Variants in GNG12 observed in about 807,000 individuals in gnomAD.
The protein encoded by GNG12 is guanine nucleotide-binding protein G(I)/G(S)/G(O) subunit gamma-12.
For synonymous variants in GNG12, 28 were observed against 29.7 expected (o/e 0.94, Z 0.19); for missense variants, 69 against 83.8 (o/e 0.82, Z 0.69).
rs4431815 is a variant in GNG12, at chr1:67,822,490, T to C, written c.-77+10854A>G. Among the ~76,000 whole-genome samples the C allele has an allele frequency of 3.1e-3, 479 of 152,206 alleles. 1 individual carries two copies. The highest frequency in any genetic ancestry group is 0.011 in the African/African-American group (459 of 41,526). ...TTATGAAGCTGACACTGCAGTGAGG[T>C]AGGTTAATATAACAATTGATTGAGA... On this transcript the variant is annotated intron_variant, in intron 1 of 3. Coordinates refer to ENST00000370982, the MANE Select transcript of GNG12 (RefSeq NM_018841.6).
At chr1:67,718,941 T>A (rs1292298732) in intron 2 of GNG12, among the ~76,000 whole-genome samples, 1 of 152,232 alleles carries the variant, frequency 6.6e-6, no homozygotes, top group Non-Finnish European at 1.5e-5. Context: ...ATTATCCTAC[T>A]GAATCCTCAA....
intron 2 of GNG12, among the ~76,000 whole-genome samples, chr1:67,754,914 C>T (rs980781418): frequency 2.6e-5 from 4 of 152,232 alleles, no homozygotes; most frequent in Non-Finnish European, 5.9e-5. Context: ...TCACTCTTTC[C>T]TCATGTGATG....
intron 1 of GNG12, among the ~76,000 whole-genome samples, chr1:67,801,410 T>C (rs143909774): frequency 1.2e-3 from 183 of 152,282 alleles, no homozygotes; most frequent in East Asian, 8.9e-3. Flanking sequence ...GGCCACAGGA[T>C]TGAACCCAGG....
Position 67,833,380 on chromosome 1 carries a change from G to A in GNG12, c.-113C>T, listed in dbSNP as rs1202148630. On this transcript the variant is annotated 5_prime_UTR_variant, in exon 1 of 4. Coordinates refer to ENST00000370982, the MANE Select transcript of GNG12 (RefSeq NM_018841.6). ...TGCGCTGCCCCGCCGTCGCCGCCGG[G>A]ACTCGGTCTCTAAGGGCTCCTGGAG... 1 of 985,394 alleles carries A rather than the reference G, an allele frequency of 1.0e-6. No individual in the cohort carries two copies. The highest frequency in any genetic ancestry group is 1.2e-6 in the Non-Finnish European group (1 of 830,124). The allele number at this position is 985,394 out of a possible 1,614,324, so 61.0% of individuals were successfully genotyped here.
chr1:67,823,259 G>A (rs930208479), intron 1 of GNG12, among the ~76,000 whole-genome samples: 7 of 152,150 alleles, frequency 4.6e-5, no homozygotes, highest in African/African-American at 1.7e-4. Flanking sequence ...TCTCTCTTTT[G>A]TTTTTGTTTG....
rs143179597 is a variant in GNG12 at position 67,706,155 on chromosome 1, A to G, written c.94-579T>C. On this transcript the variant is annotated intron_variant, in intron 3 of 3. Transcript: ENST00000370982. ...GTGAATCCTGGTAAACGGTTTATAA[A>G]TGTTTGTTGTTACAACTCTTCAGCA... 1.0e-3 allele frequency among the ~76,000 whole-genome samples: 155 copies of G among 152,330 alleles called. 1 individual carries two copies. Among genetic ancestry groups the G allele is most frequent in the Non-Finnish European group, 1.9e-3 (130 of 68,020 alleles).
intron 1 of GNG12, among the ~76,000 whole-genome samples, chr1:67,801,821 G>C (rs899243509): frequency 6.6e-6 from 1 of 152,056 alleles, no homozygotes; most frequent in African/African-American, 2.4e-5. Context: ...TAATTTCATA[G>C]AGTTGCTGTG....
intron 2 of GNG12, among the ~76,000 whole-genome samples, chr1:67,733,233 G>T (rs1209645380): frequency 6.6e-6 from 1 of 152,146 alleles, no homozygotes; most frequent in Non-Finnish European, 1.5e-5. Context: ...TTTGGAGCTG[G>T]TTTGGGGTGT....
Position 67,706,200 on chromosome 1 carries a change from TA to T in GNG12, c.94-625del, listed in dbSNP as rs554280777. ...TCAGCAGGTTTGAAATGTCTCAAAA[TA>T]AAAAGTTAGGGGCCAGGTGAGAAAA... On this transcript the variant is annotated intron_variant, in intron 3 of 3. Coordinates refer to ENST00000370982, the MANE Select transcript of GNG12 (RefSeq NM_018841.6). 8.5e-5 allele frequency among the ~76,000 whole-genome samples: 13 copies of T among 152,170 alleles called. No homozygotes were observed. The South Asian group carries it at 2.3e-3, about 27-fold the overall frequency.
intron 1 of GNG12, among the ~76,000 whole-genome samples, chr1:67,808,814 G>C (rs761242535): frequency 6.6e-6 from 1 of 152,126 alleles, no homozygotes; most frequent in Non-Finnish European, 1.5e-5. Flanking sequence ...AAATGAAAGA[G>C]AGTCCATGTT....
intron 1 of GNG12, among the ~76,000 whole-genome samples, chr1:67,801,257 A>G (rs1646863961): frequency 6.6e-6 from 1 of 152,172 alleles, no homozygotes; most frequent in African/African-American, 2.4e-5. Context: ...GATCATGCCC[A>G]TTTTCTTCAC....
intron 1 of GNG12, among the ~76,000 whole-genome samples, chr1:67,801,128 A>C (rs1646862111): frequency 6.6e-6 from 1 of 152,160 alleles, no homozygotes; most frequent in African/African-American, 2.4e-5. Context: ...ACCTCAGTTG[A>C]GTAGCGTCTT....
intron 2 of GNG12, among the ~76,000 whole-genome samples, chr1:67,773,836 C>T (rs1646688643): frequency 6.6e-6 from 1 of 152,166 alleles, no homozygotes; most frequent in African/African-American, 2.4e-5. Flanking sequence ...ACGGTCATGA[C>T]AATCTGAAGT....
rs1269676313 is a variant in GNG12 at position 67,704,875 on chromosome 1, CTA to C, written c.*574_*575del. 6.6e-6 allele frequency: 1 copy of C among 152,166 alleles called. No individual in the cohort carries two copies. The allele number at this position is 152,166 out of a possible 1,614,324, so 9.4% of individuals were successfully genotyped here. The stretch of plus-strand genomic sequence containing the variant: ...ATATGAAAGGAATTTTTTATTCTAC[CTA>C]TACACAGCTCAAAATAAAGGTATAA... On this transcript the variant is annotated 3_prime_UTR_variant, in exon 4 of 4. Coordinates refer to ENST00000370982, the MANE Select transcript of GNG12 (RefSeq NM_018841.6).
At chr1:67,742,281 CTGTT>C (rs1232768898) in intron 2 of GNG12, among the ~76,000 whole-genome samples, 5 of 152,152 alleles carry the variant, frequency 3.3e-5, no homozygotes, top group Non-Finnish European at 7.4e-5. Flanking sequence ...GACCCAAGTT[CTGTT>C]TATTTCCCCT....
chr1:67,832,951 C>T (rs1051450582), intron 1 of GNG12, among the ~76,000 whole-genome samples: 7 of 152,310 alleles, frequency 4.6e-5, no homozygotes, highest in East Asian at 1.9e-4. Context: ...GGCGCACGGC[C>T]GCAGGCTGGC....
intron 2 of GNG12, among the ~76,000 whole-genome samples, chr1:67,712,692 TA>T (rs559110602): frequency 1.6e-3 from 236 of 146,726 alleles, no homozygotes; most frequent in South Asian, 4.7e-3. Flanking sequence ...GACCCCCATT[TA>T]AAAAAAAAAA....
At chr1:67,777,707 T>A (rs1033968628) in intron 1 of GNG12, among the ~76,000 whole-genome samples, 200 bp from the exon 2 acceptor site, 3 of 152,184 alleles carry the variant, frequency 2.0e-5, no homozygotes, top group African/African-American at 7.2e-5. Flanking sequence ...CATGCTCTCA[T>A]CTACTTTGGG....
chr1:67,758,791 C>T (rs1646584954), intron 2 of GNG12, among the ~76,000 whole-genome samples: 1 of 152,108 alleles, frequency 6.6e-6, no homozygotes, highest in African/African-American at 2.4e-5. Context: ...TGGAGGAATA[C>T]CTTATTACCA....
Sources: gnomAD v4.1 joint callset for allele counts (sites outside exome capture counted in the v4.1 genomes callset) on GRCh38, gnomAD v4.1.1 for gene constraint, MANE v1.5 for transcripts, NCBI Gene and HGNC (gene_info 2026-07-23, HGNC 2026-07-21) for gene names.